Variants in VAV3 observed in about 807,000 individuals in gnomAD.
VAV3 encodes guanine nucleotide exchange factor VAV3.
VAV3 carries 94 observed loss-of-function variants against 131.2 expected under a neutral mutation model. The ratio of observed to expected loss-of-function variants is 0.72; its 90% CI spans 0.61 to 0.85. The LOEUF is 0.85. Ranked by LOEUF, VAV3 falls within the 40% of genes least tolerant of loss-of-function variation. VAV3 has a pLI of 0.00. For missense variants in VAV3, 939 were observed against 1,002.7 expected, an observed-to-expected ratio of 0.94 and a Z score of 0.86; for synonymous variants, 349 against 342.0, an observed-to-expected ratio of 1.02 and a Z score of -0.22.
At chr1:107,669,611 G>C in intron 19 of VAV3, 3 of 1,086,356 alleles carry the variant, frequency 2.8e-6, no homozygotes, top group Non-Finnish European at 3.5e-6. Flanking sequence ...TTGCACAACA[G>C]GTTTTTTTGT....
At chr1:107,596,088 G>A in intron 25 of VAV3, 124 bp downstream of exon 25, 1 of 1,293,238 alleles carries the variant, frequency 7.7e-7, no homozygotes, top group Non-Finnish European at 1.1e-6. Flanking sequence ...CAGAAAAGAA[G>A]TCCTTGCTCA....
At chr1:107,681,752 C>CA (rs1658632155) in intron 19 of VAV3, among the ~76,000 whole-genome samples, 1 of 151,620 alleles carries the variant, frequency 6.6e-6, no homozygotes, top group African/African-American at 2.4e-5. Flanking sequence ...CTCCCGGGCT[C>CA]ACGCCATTCT....
chr1:107,749,597 G>C lies in VAV3; in HGVS notation c.1260-3C>G. The C allele has an allele frequency of 6.2e-7, 1 of 1,607,106 alleles. No homozygotes were observed. The highest frequency in any genetic ancestry group is 1.3e-5 in the African/African-American group (1 of 74,600). On this transcript the variant is annotated splice_polypyrimidine_tract_variant and splice_region_variant and intron_variant, in intron 13 of 26. Transcript: ENST00000370056. ...CCAAATCAAATAAGAAGATATGCCT[G>C]GGAAAAAGAGATTGATTGATTGATT...
chr1:107,837,738 C>A (rs1266515746), intron 2 of VAV3, among the ~76,000 whole-genome samples: 9 of 152,030 alleles, frequency 5.9e-5, no homozygotes, highest in Non-Finnish European at 1.2e-4. Flanking sequence ...AAGCTGCACA[C>A]CTACAACTAT....
chr1:107,958,142 G>C (rs1674906690), intron 1 of VAV3, among the ~76,000 whole-genome samples: 2 of 152,146 alleles, frequency 1.3e-5, no homozygotes, highest in Admixed American at 6.5e-5. Flanking sequence ...CTAACAAATG[G>C]CAAAGAGGTT....
intron 15 of VAV3, among the ~76,000 whole-genome samples, 186 bp downstream of exon 15, chr1:107,748,782 T>C (rs1345891582): frequency 1.3e-5 from 2 of 152,160 alleles, no homozygotes; most frequent in Admixed American, 1.3e-4. Flanking sequence ...AAAACTCCTC[T>C]CCTAGGAGAC....
chr1:107,792,707 G>A (rs1175855349), intron 2 of VAV3, among the ~76,000 whole-genome samples: 1 of 152,118 alleles, frequency 6.6e-6, no homozygotes, highest in Non-Finnish European at 1.5e-5. Flanking sequence ...TTGAAACTTA[G>A]GGACTTAGTG....
intron 15 of VAV3, among the ~76,000 whole-genome samples, chr1:107,718,189 G>C (rs1450430653): frequency 6.6e-6 from 1 of 152,108 alleles, no homozygotes; most frequent in African/African-American, 2.4e-5. Context: ...TCAACATACT[G>C]TTGGAAGTTC....
chr1:107,617,269 G>A (rs908939846), intron 21 of VAV3, among the ~76,000 whole-genome samples: 1 of 152,066 alleles, frequency 6.6e-6, no homozygotes, highest in Admixed American at 6.5e-5. Context: ...AGTGGGAAAG[G>A]GGAAACCTGT....
At chr1:107,851,396 GAAAAAAA>G in intron 2 of VAV3, among the ~76,000 whole-genome samples, 1 of 74,986 alleles carries the variant, frequency 1.3e-5, no homozygotes, top group South Asian at 4.2e-4. Context: ...AAAACACTCA[GAAAAAAA>G]AAAAAAAAAA....
chr1:107,575,000 TGCGCGCGCGCGCGCGCAC>T (rs371942746), intron 25 of VAV3, among the ~76,000 whole-genome samples: 20,892 of 103,800 alleles, frequency 0.2, 1,559 homozygotes, highest in African/African-American at 0.22. Flanking sequence ...TGTGCGTGCG[TGCGCGCGCGCGCGCGCAC>T]ACGCGCGCGT....
chr1:107,631,228 TATC>T (rs1481323131), intron 20 of VAV3, among the ~76,000 whole-genome samples: 6 of 152,116 alleles, frequency 3.9e-5, no homozygotes, highest in Admixed American at 6.6e-5. Context: ...AATGCATTGT[TATC>T]ATAATACATT....
chr1:107,747,385 C>G (rs749109070), intron 15 of VAV3, among the ~76,000 whole-genome samples: 6 of 152,030 alleles, frequency 3.9e-5, no homozygotes, highest in African/African-American at 7.2e-5. Flanking sequence ...CATATAAGAG[C>G]AAAGGCTCGA....
intron 17 of VAV3, among the ~76,000 whole-genome samples, chr1:107,702,955 T>C (rs1343866975): frequency 6.6e-6 from 1 of 152,134 alleles, no homozygotes. Context: ...CTCAGAATAT[T>C]TAAGTAAATT....
intron 19 of VAV3, among the ~76,000 whole-genome samples, chr1:107,657,191 G>T (rs541582784): frequency 6.6e-6 from 1 of 152,180 alleles, no homozygotes; most frequent in South Asian, 2.1e-4. Context: ...CTGACCTCAA[G>T]TGATCCGCCC....
chr1:107,879,660 A>C (rs937692169), intron 1 of VAV3, among the ~76,000 whole-genome samples: 1 of 152,098 alleles, frequency 6.6e-6, no homozygotes, highest in Non-Finnish European at 1.5e-5. Flanking sequence ...ATATTTTATG[A>C]GTCAGAAGGG....
intron 2 of VAV3, among the ~76,000 whole-genome samples, chr1:107,861,283 AT>A (rs1447003662): frequency 1.3e-5 from 2 of 151,618 alleles, no homozygotes; most frequent in East Asian, 1.9e-4. Flanking sequence ...TACTTCAACA[AT>A]TTTTTTGTAA....
intron 15 of VAV3, among the ~76,000 whole-genome samples, chr1:107,746,526 C>G (rs945129013): frequency 1.3e-5 from 2 of 152,174 alleles, no homozygotes; most frequent in African/African-American, 4.8e-5. Context: ...TCCGTACATA[C>G]CCCTATATGT....
At chr1:107,960,719 C>T (rs1419117796) in intron 1 of VAV3, among the ~76,000 whole-genome samples, 3 of 152,100 alleles carry the variant, frequency 2.0e-5, no homozygotes, top group Non-Finnish European at 4.4e-5. Context: ...GAGCTTTGCA[C>T]TTGGTATTCC....
Sources: allele counts gnomAD v4.1 joint callset (sites outside exome capture counted in the v4.1 genomes callset), GRCh38; gene constraint gnomAD v4.1.1; transcripts MANE v1.5; gene names NCBI Gene and HGNC (gene_info 2026-07-23, HGNC 2026-07-21).